The following ARID1B variants were observed in gnomAD, a reference collection of about 807,000 sequenced individuals.
ARID1B encodes the protein AT-rich interaction domain 1B.
A neutral mutation model predicts 212.3 loss-of-function variants in ARID1B; 30 were observed. That is an observed-to-expected ratio of 0.14 (90% CI 0.11 to 0.19). The LOEUF is 0.19. Among genes scored for constraint, ARID1B ranks in the 10% least tolerant of loss-of-function variants. The pLI is 1.00. For synonymous variants in ARID1B, 1,402 were observed against 1,301.7 expected (o/e 1.08, Z -1.66); for missense variants, 2,891 against 3,204.0 (o/e 0.90, Z 2.36).
At position 157,189,772 on chromosome 6, in the gene ARID1B, A is replaced by G. The variant is rs769609140; in HGVS notation, c.4050A>G (p.Gln1350=). 6.2e-7 allele frequency: 1 copy of G among 1,613,502 alleles called. No homozygotes were observed. Among genetic ancestry groups the G allele is most frequent in the Non-Finnish European group, 8.5e-7 (1 of 1,179,884 alleles). The change falls in exon 14 of 20, where the codon CAA becomes CAG. Residue 1350 remains glutamine (Q), a synonymous_variant. Transcript: ENST00000636930. ...STPHGQMTPM[Q]GGRSSTISVH... is the part of the protein sequence containing the mutation. ...CTCACGGCCAGATGACTCCAATGCA[A>G]GGTGGAAGGTATGTTCAAATAACTC...
chr6:156,778,268 CCAGCAGCAGCAGCAGCAGCAGCAACAG>C lies in ARID1B; in HGVS notation c.609_635del (p.Gln206_Gln214del), dbSNP rs910569810. 7.9e-5 allele frequency: 122 copies of C among 1,536,796 alleles called. No homozygotes were observed. Among genetic ancestry groups the C allele is most frequent in the Non-Finnish European group, 8.6e-5 (98 of 1,142,052 alleles). On this transcript the variant is annotated inframe_deletion, in exon 1 of 20. Coordinates refer to ENST00000636930, the MANE Select transcript of ARID1B (RefSeq NM_001374828.1). Reference sequence around the variant, plus strand: ...CACTACAGCAGCAGCTAAACCAGTTCCAGCAGCAGCAGCAGCAGCAGCAACAGCAGCAGCAGCAGCAGCAGCAACAGC... The same window carrying C: ...CACTACAGCAGCAGCTAAACCAGTTCCAGCAGCAGCAGCAGCAGCAACAGC...
In ARID1B at chr6:157,151,822, T is replaced by C. The variant is rs545542225; in HGVS notation, c.3089+2871T>C. The C allele has an allele frequency of 3.9e-5, 6 of 152,362 alleles. No homozygotes were observed. In the East Asian group the frequency reaches 1.2e-3, roughly 29 times the overall value. 9.4% of individuals were successfully genotyped at this position (152,362 alleles called of 1,614,324 possible). A position where few individuals can be genotyped will look rare whatever the true frequency, so the allele number is the denominator to read the frequency against. On this transcript the variant is annotated intron_variant, in intron 8 of 19. Coordinates refer to ENST00000636930, the MANE Select transcript of ARID1B (RefSeq NM_001374828.1). ...TGTTTAAACAGTAAACTTATAGAAC[T>C]ATGCTTTCACTACTGGTTATGAATG... is the stretch of plus-strand genomic sequence containing the variant.
intron 4 of ARID1B, among the ~76,000 whole-genome samples, chr6:156,992,715 T>G (rs1583098229): frequency 6.6e-6 from 1 of 152,038 alleles, no homozygotes; most frequent in South Asian, 2.1e-4. Context: ...TGCGCAGAGG[T>G]CACTGGGCCT....
rs1778853786 is a variant in ARID1B, at chr6:156,778,473, C to T, written c.793C>T (p.Pro265Ser). ...CCCGGGCCCGCCGCTGCTGAGCAAG[C>T]CGGGCGACGAGGACGACGCGCCGCC... ...DPPGPPLLSK[P>S]GDEDDAPPKM... The change falls in exon 1 of 20, where the codon CCG becomes TCG. Residue 265 changes from proline (P) to serine (S), a missense_variant. Coordinates refer to ENST00000636930, the MANE Select transcript of ARID1B (RefSeq NM_001374828.1). The T allele has an allele frequency of 7.6e-7, 1 of 1,309,182 alleles. No individual in the cohort carries two copies. Among genetic ancestry groups the T allele is most frequent in the Non-Finnish European group, 9.6e-7 (1 of 1,036,608 alleles). 81.1% of individuals were successfully genotyped at this position (1,309,182 alleles called of 1,614,324 possible).
intron 4 of ARID1B, among the ~76,000 whole-genome samples, chr6:156,983,285 C>A (rs1010886181): frequency 6.6e-6 from 1 of 152,016 alleles, no homozygotes; most frequent in African/African-American, 2.4e-5. Flanking sequence ...ATCCCAGCTA[C>A]TCGAGAGGCT....
At chr6:156,921,470 CACACACACACACACACACACACAA>C (rs1239157450) in intron 3 of ARID1B, among the ~76,000 whole-genome samples, 124 of 148,758 alleles carry the variant, frequency 8.3e-4, no homozygotes, top group African/African-American at 2.9e-3. Flanking sequence ...CACACACACA[CACACACACACACACACACACACAA>C]AATGTAAGGG....
intron 8 of ARID1B, chr6:157,150,291 C>T (rs1441627984): frequency 6.6e-6 from 1 of 152,154 alleles, no homozygotes; most frequent in Non-Finnish European, 1.5e-5. Flanking sequence ...CGCGTGCCCC[C>T]TCTCTGAGTC....
At chr6:156,812,974 G>GTA (rs1554254426) in intron 1 of ARID1B, among the ~76,000 whole-genome samples, 2,422 of 84,438 alleles carry the variant, frequency 0.029, 101 homozygotes, top group Admixed American at 0.14. Flanking sequence ...GTGTGTGTGT[G>GTA]TGTATGTATA....
intron 4 of ARID1B, among the ~76,000 whole-genome samples, chr6:157,077,091 C>T (rs1784358690): frequency 6.6e-6 from 1 of 152,074 alleles, no homozygotes; most frequent in Non-Finnish European, 1.5e-5. Context: ...ATGACTATGT[C>T]GATCCTTAAA....
At chr6:156,913,014 A>G (rs1262398792) in intron 3 of ARID1B, among the ~76,000 whole-genome samples, 1 of 139,578 alleles carries the variant, frequency 7.2e-6, no homozygotes, top group East Asian at 2.0e-4. Context: ...GGCTCTTTTC[A>G]TACTTTCTTT....
intron 5 of ARID1B, among the ~76,000 whole-genome samples, chr6:157,087,461 C>A (rs539216005): frequency 6.6e-6 from 1 of 152,152 alleles, no homozygotes; most frequent in Non-Finnish European, 1.5e-5. Flanking sequence ...GATGATAACC[C>A]CACCTTATAG....
chr6:157,175,028 T>TG (rs1270965974), intron 11 of ARID1B, 23 bp downstream of exon 11: 15 of 1,359,490 alleles, frequency 1.1e-5, no homozygotes, highest in Non-Finnish European at 1.4e-5. Context: ...GGTTTTTTTT[T>TG]GTTTTTTTTG....
chr6:157,096,199 C>G (rs902899897), intron 5 of ARID1B, among the ~76,000 whole-genome samples: 1 of 152,220 alleles, frequency 6.6e-6, no homozygotes, highest in African/African-American at 2.4e-5. Flanking sequence ...CTCAGGGCTG[C>G]CCCAGCTGCC....
At chr6:156,997,974 A>C (rs1178943338) in intron 4 of ARID1B, among the ~76,000 whole-genome samples, 1 of 152,226 alleles carries the variant, frequency 6.6e-6, no homozygotes, top group Non-Finnish European at 1.5e-5. Context: ...ATAAATTCTT[A>C]TGGGACAATA....
intron 4 of ARID1B, among the ~76,000 whole-genome samples, chr6:156,972,940 G>T (rs1205158567): frequency 1.3e-5 from 2 of 152,188 alleles, no homozygotes; most frequent in South Asian, 2.1e-4. Flanking sequence ...GTGATACTTT[G>T]GTTGGTATCT....
chr6:156,779,156 C>A lies in ARID1B; in HGVS notation c.1476C>A (p.Asn492Lys). ...GCTTCCAGCGCTTCGCCGGCCAGAA[C>A]CAGCACCCGTCGGGGGCCACCCCGA... is the stretch of plus-strand genomic sequence containing the variant. ...AGGFQRFAGQ[N>K]QHPSGATPTL... Residue 492 changes from asparagine to lysine, a missense_variant, in exon 1 of 20, where the codon AAC (asparagine) becomes AAA (lysine). Around this residue, in one of 7 missense-constraint regions of ARID1B, gnomAD observed 1,643 missense variants for 1,544.0 expected, o/e 1.06. Transcript: ENST00000636930. 7.6e-7 allele frequency: 1 copy of A among 1,320,870 alleles called. No individual in the cohort carries two copies. The highest frequency in any genetic ancestry group is 2.9e-5 in the Admixed American group (1 of 34,804). The allele number at this position is 1,320,870 out of a possible 1,614,324, so 81.8% of individuals were successfully genotyped here. A position where few individuals can be genotyped will look rare whatever the true frequency, so the allele number is the denominator to read the frequency against.
chr6:157,161,437 A>ATATAT (rs1790935618), intron 8 of ARID1B, among the ~76,000 whole-genome samples: 2 of 147,620 alleles, frequency 1.4e-5, no homozygotes, highest in African/African-American at 5.2e-5. Context: ...GTGTGTATAT[A>ATATAT]TATATATATA....
chr6:156,805,067 G>A (rs1252178686), intron 1 of ARID1B, among the ~76,000 whole-genome samples: 2 of 152,080 alleles, frequency 1.3e-5, no homozygotes, highest in Non-Finnish European at 2.9e-5. Context: ...CCAACCCTTG[G>A]ATGTTTAGCT....
At chr6:157,018,991 G>C (rs772095379) in intron 4 of ARID1B, among the ~76,000 whole-genome samples, 1 of 152,094 alleles carries the variant, frequency 6.6e-6, no homozygotes, top group Non-Finnish European at 1.5e-5. Flanking sequence ...AAATACGGTA[G>C]GCTCAGCACA....
Sources: gnomAD v4.1 joint callset for allele counts (sites outside exome capture counted in the v4.1 genomes callset) on GRCh38, gnomAD v4.1.1 for gene constraint, gnomAD v4.1.1 regional missense constraint, MANE v1.5 for transcripts, NCBI Gene and HGNC (gene_info 2026-07-23, HGNC 2026-07-21) for gene names.